The following ZC3H12B variants were observed in gnomAD, a reference collection of about 807,000 sequenced individuals.
ZC3H12B encodes the protein zinc finger CCCH-type containing 12B.
Under a neutral mutation model 43.9 loss-of-function variants are expected in ZC3H12B, and 7 were observed. The observed-to-expected ratio is 0.16, with a 90% confidence interval of 0.09 to 0.30. The LOEUF is 0.30. ZC3H12B is among the 10% of genes least tolerant of loss of function. The pLI is 1.00. For missense variants in ZC3H12B, 475 were observed against 670.2 expected (o/e 0.71, Z 3.22); for synonymous variants, 222 against 241.7 (o/e 0.92, Z 0.76).
At chrX:65,187,968 C>T in the ZC3H12B span, among the ~76,000 whole-genome samples, 1 of 111,184 alleles carries the variant, frequency 9.0e-6, no homozygotes, top group Non-Finnish European at 1.9e-5. Flanking sequence ...CTATCTTTCT[C>T]AGCCTTTGGT....
chrX:65,229,443 C>A, the ZC3H12B span, among the ~76,000 whole-genome samples: 8 of 107,666 alleles, frequency 7.4e-5, no homozygotes, highest in Admixed American at 2.0e-4. Flanking sequence ...AGAAGAAAAC[C>A]TAGGCATTAC....
the ZC3H12B span, among the ~76,000 whole-genome samples, chrX:65,240,276 A>AT: frequency 1.9e-4 from 21 of 109,854 alleles, no homozygotes; most frequent in South Asian, 7.7e-4. Context: ...TTGTTTTTTA[A>AT]TTTTTTTTCC....
At chrX:65,257,538 A>G in the ZC3H12B span, among the ~76,000 whole-genome samples, 1 of 111,074 alleles carries the variant, frequency 9.0e-6, no homozygotes, top group African/African-American at 3.3e-5. Flanking sequence ...CCAACATGGC[A>G]CATGTATACC....
the ZC3H12B span, among the ~76,000 whole-genome samples, chrX:65,344,964 C>G: frequency 1.8e-5 from 2 of 112,226 alleles, no homozygotes; most frequent in East Asian, 5.6e-4. Flanking sequence ...CTCAACATCA[C>G]TCATCATTAG....
the ZC3H12B span, among the ~76,000 whole-genome samples, chrX:65,127,930 A>G: frequency 5.4e-5 from 6 of 111,659 alleles, no homozygotes; most frequent in South Asian, 1.9e-3. Flanking sequence ...ACCAAGACTG[A>G]GAACTTGTCC....
the ZC3H12B span, among the ~76,000 whole-genome samples, chrX:65,312,524 A>G: frequency 8.9e-6 from 1 of 111,779 alleles, no homozygotes; most frequent in African/African-American, 3.3e-5. Context: ...GCCAAAAAAA[A>G]AAATGGGCCC....
the ZC3H12B span, among the ~76,000 whole-genome samples, chrX:65,100,003 T>G: frequency 9.0e-6 from 1 of 111,731 alleles, no homozygotes; most frequent in Non-Finnish European, 1.9e-5. Context: ...TTACAGAAAC[T>G]GTTAACTAGA....
chrX:65,493,948 C>A, intron 1 of ZC3H12B, among the ~76,000 whole-genome samples: 1 of 111,054 alleles, frequency 9.0e-6, no homozygotes, highest in Non-Finnish European at 1.9e-5. Context: ...GTACTCATTG[C>A]CACCTTGATA....
At chrX:65,140,540 T>G in the ZC3H12B span, among the ~76,000 whole-genome samples, 2 of 111,767 alleles carry the variant, frequency 1.8e-5, no homozygotes, top group African/African-American at 6.5e-5. Context: ...TCATCAGAGA[T>G]TTTGGCCATA....
chrX:65,384,868 G>T (rs1046063270), intron 2 of ZC3H12B, among the ~76,000 whole-genome samples: 3 of 112,332 alleles, frequency 2.7e-5, no homozygotes, highest in Non-Finnish European at 5.6e-5. Context: ...GGAACATATG[G>T]CTAGCCAGTT....
the ZC3H12B span, among the ~76,000 whole-genome samples, chrX:65,101,447 C>T: frequency 3.6e-5 from 4 of 111,539 alleles, no homozygotes; most frequent in Admixed American, 2.8e-4. Context: ...ATCAATGAAT[C>T]GAGGAGCTGG....
chrX:65,211,804 T>C, the ZC3H12B span, among the ~76,000 whole-genome samples: 1 of 81,998 alleles, frequency 1.2e-5, no homozygotes, highest in Non-Finnish European at 2.2e-5. Flanking sequence ...ATGTATACTA[T>C]ATAATATATA....
At chrX:65,168,928 C>G in the ZC3H12B span, among the ~76,000 whole-genome samples, 5 of 111,331 alleles carry the variant, frequency 4.5e-5, no homozygotes, top group African/African-American at 1.6e-4. Flanking sequence ...ATTCTTCTCT[C>G]TTTTTTCTTT....
the ZC3H12B span, among the ~76,000 whole-genome samples, chrX:65,332,600 A>T: frequency 9.0e-6 from 1 of 111,434 alleles, no homozygotes; most frequent in Non-Finnish European, 1.9e-5. Context: ...ACTGATCCGG[A>T]TTTTTATATT....
upstream of ZC3H12B, among the ~76,000 whole-genome samples, chrX:65,364,541 A>C (rs774920335): frequency 1.1e-5 from 1 of 91,763 alleles, no homozygotes; most frequent in Non-Finnish European, 1.9e-5. Flanking sequence ...TCTATCCTTC[A>C]TGGCAGTTTT....
At chrX:65,398,045 A>G (rs1481419153) in intron 2 of ZC3H12B, among the ~76,000 whole-genome samples, 5 of 112,088 alleles carry the variant, frequency 4.5e-5, no homozygotes, top group Admixed American at 9.5e-5. Flanking sequence ...TACAAATAAA[A>G]TAAAATACAT....
At chrX:65,120,582 T>A in the ZC3H12B span, among the ~76,000 whole-genome samples, 433 of 111,768 alleles carry the variant, frequency 3.9e-3, 2 homozygotes, top group African/African-American at 0.014. Context: ...TATACAGTCA[T>A]GTCATCTGCA....
At chrX:65,036,526 T>C in the ZC3H12B span, among the ~76,000 whole-genome samples, 2 of 111,352 alleles carry the variant, frequency 1.8e-5, no homozygotes, top group Non-Finnish European at 3.8e-5. Context: ...GCAAACTTTG[T>C]TAGTTTGGGG....
At chrX:65,317,745 G>T in the ZC3H12B span, among the ~76,000 whole-genome samples, 2 of 101,314 alleles carry the variant, frequency 2.0e-5, no homozygotes, top group African/African-American at 7.2e-5. Flanking sequence ...ATCCTATTTT[G>T]TGTGTGTGTG....
Sources: allele counts gnomAD v4.1 joint callset (sites outside exome capture counted in the v4.1 genomes callset), GRCh38; gene constraint gnomAD v4.1.1; transcripts MANE v1.5; gene names NCBI Gene and HGNC (gene_info 2026-07-23, HGNC 2026-07-21).